SLC4A7: variants seen among roughly 807,000 people sequenced by gnomAD.
The protein encoded by SLC4A7 is solute carrier family 4 member 7.
SLC4A7 carries 51 observed loss-of-function variants against 137.6 expected under a neutral mutation model. The ratio of observed to expected loss-of-function variants is 0.37; its 90% CI spans 0.30 to 0.47. The LOEUF is 0.47. SLC4A7 is among the 20% of genes least tolerant of loss of function. The probability of loss-of-function intolerance (pLI) is 1.00; values close to 1 mark genes in which losing one functional copy is unlikely to be tolerated. For missense variants in SLC4A7, 1,247 were observed against 1,525.4 expected (o/e 0.82, Z 3.04); for synonymous variants, 542 against 518.6 (o/e 1.05, Z -0.61).
chr3:27,394,418 A>C, intron 20 of SLC4A7, 100 bp downstream of exon 20: 1 of 1,082,214 alleles, frequency 9.2e-7, no homozygotes, highest in South Asian at 1.6e-5. Context: ...AAACAAACCT[A>C]ATTTTAGGTA....
rs149241053 is a variant in SLC4A7 at position 27,395,942 on chromosome 3, C to T, written c.2704-827G>A. Among the ~76,000 whole-genome samples, 337 of 152,146 alleles carry T rather than the reference C, an allele frequency of 2.2e-3. 2 individuals carry two copies. The highest frequency in any genetic ancestry group is 3.7e-3 in the Non-Finnish European group (250 of 68,012). ...ACTGGTCCACAATACATGGTATTTCCAAAGGAACTACTAACAAAAATCTGG... is the reference window on the plus strand; with the variant it reads ...ACTGGTCCACAATACATGGTATTTCTAAAGGAACTACTAACAAAAATCTGG... On this transcript the variant is annotated intron_variant, in intron 18 of 25. Coordinates refer to ENST00000454389, the MANE Select transcript of SLC4A7 (RefSeq NM_001321103.2).
intron 13 of SLC4A7, among the ~76,000 whole-genome samples, chr3:27,407,113 T>C (rs1488515338): frequency 4.0e-5 from 4 of 100,054 alleles, no homozygotes; most frequent in African/African-American, 2.3e-4. Flanking sequence ...TGAAGACCTT[T>C]TTTTTTTTTT....
intron 1 of SLC4A7, among the ~76,000 whole-genome samples, chr3:27,475,142 G>C (rs566961327): frequency 1.6e-4 from 25 of 151,908 alleles, no homozygotes; most frequent in African/African-American, 5.1e-4. Flanking sequence ...CCTGCCCACA[G>C]AGTTATCTAG....
At chr3:27,479,239 AC>A (rs1467739419) in intron 1 of SLC4A7, among the ~76,000 whole-genome samples, 2 of 152,038 alleles carry the variant, frequency 1.3e-5, no homozygotes. Flanking sequence ...AAATGTTGAA[AC>A]CCTGCCTCTA....
chr3:27,468,508 T>C (rs1050374359), intron 1 of SLC4A7, among the ~76,000 whole-genome samples: 3 of 152,142 alleles, frequency 2.0e-5, no homozygotes, highest in Non-Finnish European at 2.9e-5. Context: ...GAGTTAGAGC[T>C]GCACTGTGCT....
chr3:27,393,761 T>C (rs892755987), intron 20 of SLC4A7, among the ~76,000 whole-genome samples: 1 of 152,112 alleles, frequency 6.6e-6, no homozygotes, highest in Non-Finnish European at 1.5e-5. Context: ...GCCTTAATTA[T>C]CATCATAGCA....
chr3:27,404,775 T>A, intron 14 of SLC4A7, 55 bp downstream of exon 14: 1 of 1,372,026 alleles, frequency 7.3e-7, no homozygotes, highest in Non-Finnish European at 1.0e-6. Context: ...CCTTCTAAGT[T>A]AATAAACAAT....
intron 1 of SLC4A7, among the ~76,000 whole-genome samples, chr3:27,477,517 T>C (rs1232831991): frequency 6.6e-6 from 1 of 152,234 alleles, no homozygotes; most frequent in Non-Finnish European, 1.5e-5. Context: ...TAGGCTGGAA[T>C]AATCAAAGAT....
chr3:27,469,647 G>A (rs920339778), intron 1 of SLC4A7, among the ~76,000 whole-genome samples: 3 of 152,146 alleles, frequency 2.0e-5, no homozygotes, highest in Non-Finnish European at 2.9e-5. Flanking sequence ...CAGCTACTCA[G>A]GAGGCTGAGG....
chr3:27,426,165 C>T (rs2055594034), intron 7 of SLC4A7, among the ~76,000 whole-genome samples: 1 of 152,184 alleles, frequency 6.6e-6, no homozygotes, highest in African/African-American at 2.4e-5. Context: ...TCTGTAAATA[C>T]CTAAACTACA....
chr3:27,434,781 G>A (rs541190292), intron 5 of SLC4A7, among the ~76,000 whole-genome samples: 18 of 151,884 alleles, frequency 1.2e-4, no homozygotes, highest in African/African-American at 4.3e-4. Flanking sequence ...TTTAAATAGT[G>A]GTACTAACTT....
In SLC4A7 at chr3:27,436,381, C is replaced by T; in HGVS notation, c.589+7G>A. On this transcript the variant is annotated splice_region_variant and intron_variant, in intron 5 of 25. Coordinates refer to ENST00000454389, the MANE Select transcript of SLC4A7 (RefSeq NM_001321103.2). ...TACATATTTTTTAAAAGTCAGTTTACTATAACCTGCTATTTCATCTAGAGT... is the reference window on the plus strand; with the variant it reads ...TACATATTTTTTAAAAGTCAGTTTATTATAACCTGCTATTTCATCTAGAGT... The T allele has an allele frequency of 1.2e-6, 2 of 1,605,068 alleles. No individual in the cohort carries two copies. The highest frequency in any genetic ancestry group is 1.1e-5 in the South Asian group (1 of 89,296).
At chr3:27,461,899 C>T (rs1474562707) in intron 1 of SLC4A7, among the ~76,000 whole-genome samples, 3 of 151,840 alleles carry the variant, frequency 2.0e-5, no homozygotes, top group Admixed American at 6.6e-5. Flanking sequence ...GAGGCAGAGA[C>T]TGTAGTGACC....
intron 1 of SLC4A7, among the ~76,000 whole-genome samples, chr3:27,457,994 TTTTC>T (rs2058500014): frequency 6.6e-6 from 1 of 152,166 alleles, no homozygotes; most frequent in South Asian, 2.1e-4. Flanking sequence ...GTCTGTCATT[TTTTC>T]TTTCAGGTAA....
At chr3:27,454,770 G>A (rs2058301359) in intron 1 of SLC4A7, among the ~76,000 whole-genome samples, 3 of 152,004 alleles carry the variant, frequency 2.0e-5, no homozygotes, top group African/African-American at 7.2e-5. Flanking sequence ...ATTCTAAAAG[G>A]GATTAACTGC....
chr3:27,398,038 G>A (rs970297841), intron 17 of SLC4A7, 154 bp downstream of exon 17: 7 of 646,798 alleles, frequency 1.1e-5, no homozygotes, highest in East Asian at 2.7e-5. Context: ...GCTCAGGCAC[G>A]TAATATACAT....
At chr3:27,455,570 ATTTT>A (rs780026916) in intron 1 of SLC4A7, among the ~76,000 whole-genome samples, 1 of 125,356 alleles carries the variant, frequency 8.0e-6, no homozygotes. Context: ...GCATAACTAA[ATTTT>A]TTTTTTTTTT....
Position 27,404,810 on chromosome 3 carries a change from T to G in SLC4A7, c.2075+20A>C. ...TTTCATATATAACACATGTGATAAG[T>G]AGAGAGGGCTATTACTTACCTGCAG... On this transcript the variant is annotated intron_variant, in intron 14 of 25. Transcript: ENST00000454389. 1 of 1,553,128 alleles carries G rather than the reference T, an allele frequency of 6.4e-7. No individual in the cohort carries two copies. Among genetic ancestry groups the G allele is most frequent in the Non-Finnish European group, 8.8e-7 (1 of 1,140,396 alleles).
chr3:27,404,329 T>C (rs1420959111), intron 14 of SLC4A7, among the ~76,000 whole-genome samples: 7 of 152,188 alleles, frequency 4.6e-5, no homozygotes, highest in Non-Finnish European at 1.0e-4. Flanking sequence ...ATCGCACCAC[T>C]GCACTCCAGC....
Sources: gnomAD v4.1 joint callset for allele counts (sites outside exome capture counted in the v4.1 genomes callset) on GRCh38, gnomAD v4.1.1 for gene constraint, MANE v1.5 for transcripts, NCBI Gene and HGNC (gene_info 2026-07-23, HGNC 2026-07-21) for gene names.